Variants in SMPD4 observed in about 807,000 individuals in gnomAD.
The protein encoded by SMPD4 is neutral sphingomyelinase 3.
In SMPD4, 58 loss-of-function variants were observed where a neutral mutation model predicts 97.8. That is an observed-to-expected ratio of 0.59 (90% CI 0.48 to 0.74). SMPD4 has a LOEUF of 0.74. Ranked by LOEUF, SMPD4 falls within the 30% of genes least tolerant of loss-of-function variation. The pLI, the probability that SMPD4 is intolerant of heterozygous loss-of-function variation, is 0.00. For missense variants in SMPD4, 853 were observed against 1,080.5 expected, an observed-to-expected ratio of 0.79 and a Z score of 2.95; for synonymous variants, 388 against 450.0, an observed-to-expected ratio of 0.86 and a Z score of 1.74.
At chr2:130,180,945 A>G (rs1187009302) in intron 1 of SMPD4, among the ~76,000 whole-genome samples, 1 of 152,076 alleles carries the variant, frequency 6.6e-6, no homozygotes, top group African/African-American at 2.4e-5. Flanking sequence ...CGACTCTCCA[A>G]CACCTATTTT....
chr2:130,181,669 C>G (rs2104948746), upstream of SMPD4: 3 of 1,550,366 alleles, frequency 1.9e-6, no homozygotes, highest in East Asian at 7.3e-5. Context: ...TGGGCCGTTA[C>G]CTCAAAAGGC....
chr2:130,153,619 G>A, intron 17 of SMPD4, 83 bp downstream of exon 17: 2 of 1,550,720 alleles, frequency 1.3e-6, no homozygotes, highest in South Asian at 2.4e-5. Flanking sequence ...GGGACTGGTA[G>A]GTGGCTGACC....
intron 11 of SMPD4, chr2:130,158,319 C>T: frequency 1.1e-6 from 1 of 920,120 alleles, no homozygotes; most frequent in South Asian, 1.8e-5. Context: ...TTAGGCCAAA[C>T]TTTTTTTTTT....
At chr2:130,178,015 CAG>C (rs1689137159) in intron 1 of SMPD4, among the ~76,000 whole-genome samples, 1 of 152,186 alleles carries the variant, frequency 6.6e-6, no homozygotes, top group Non-Finnish European at 1.5e-5. Flanking sequence ...CCCCAGCTGA[CAG>C]CCAGCAAGGA....
chr2:130,151,442 T>C lies in SMPD4; in HGVS notation c.*1113A>G, dbSNP rs1447145586. ...AGGACATGTTTATTCAGATCCATGG[T>C]CGTTACAAGCTTCATTTTTGGTCAC... On this transcript the variant is annotated 3_prime_UTR_variant, in exon 20 of 20. Transcript: ENST00000680298. 6.6e-6 allele frequency: 1 copy of C among 151,626 alleles called. No individual in the cohort carries two copies. Among genetic ancestry groups the C allele is most frequent in the Non-Finnish European group, 1.5e-5 (1 of 67,950 alleles). 9.4% of individuals were successfully genotyped at this position (151,626 alleles called of 1,614,324 possible). A position where few individuals can be genotyped will look rare whatever the true frequency, so the allele number is the denominator to read the frequency against.
At chr2:130,155,762 A>G (rs1184567523) in intron 14 of SMPD4, among the ~76,000 whole-genome samples, 2 of 152,206 alleles carry the variant, frequency 1.3e-5, no homozygotes, top group East Asian at 1.9e-4. Context: ...GGGGGTGGCT[A>G]AACACTCATC....
Position 130,156,121 on chromosome 2 carries a change from C to T in SMPD4, c.1203G>A (p.Trp401Ter). The change falls in exon 14 of 20, where the codon TGG becomes TGA. Residue 401 changes from tryptophan to a stop codon, truncating the protein, a stop_gained. Transcript: ENST00000680298. LOFTEE classifies it high-confidence loss of function. Reference sequence around the variant, plus strand: ...ACCGCCACGGCTGCAGGTAGCTCAGCCACATCTCCAGGACCTGTGGGGGAG... The same window carrying T: ...ACCGCCACGGCTGCAGGTAGCTCAGTCACATCTCCAGGACCTGTGGGGGAG... ...DASFRAVLEMWLSYLQPWRYA... is the reference protein window; with the variant it reads ...DASFRAVLEM The T allele has an allele frequency of 6.2e-7, 1 of 1,610,994 alleles. No homozygotes were observed. The highest frequency in any genetic ancestry group is 1.1e-5 in the South Asian group (1 of 90,998).
chr2:130,174,981 G>C lies in SMPD4; in HGVS notation c.59C>G (p.Ser20Cys). The C allele has an allele frequency of 6.2e-7, 1 of 1,607,710 alleles. No individual in the cohort carries two copies. Among genetic ancestry groups the C allele is most frequent in the Non-Finnish European group, 8.5e-7 (1 of 1,174,508 alleles). ...CTGCTGTGCAAAGGGCTTATTTATA[G>C]AGTCAGCTTTCAGGCTAGCCTAGAA... ...SFLLASLKAD[S>C]INKPFAQQCQ... Residue 20 changes from serine to cysteine, a missense_variant, in exon 3 of 20, where the codon TCT becomes TGT. This residue lies in a region of SMPD4 where 313 missense variants were observed against 402.2 expected (regional missense o/e 0.78). Transcript: ENST00000680298.
intron 9 of SMPD4, among the ~76,000 whole-genome samples, chr2:130,165,634 G>A (rs1687859527): frequency 6.6e-6 from 1 of 152,210 alleles, no homozygotes; most frequent in South Asian, 2.1e-4. Flanking sequence ...TATGTGCTAC[G>A]CATACTCTGG....
At position 130,153,184 on chromosome 2, in the gene SMPD4, G is replaced by A; in HGVS notation, c.2026-13C>T. On this transcript the variant is annotated splice_polypyrimidine_tract_variant and intron_variant, in intron 18 of 19. Coordinates refer to ENST00000680298, the MANE Select transcript of SMPD4 (RefSeq NM_017951.5). ...GCCCATTGATGATCTAGAAAGCCAG[G>A]CCATGGGGATGGGTCAGAAAACACA... is the stretch of plus-strand genomic sequence containing the variant. The A allele has an allele frequency of 6.2e-7, 1 of 1,613,732 alleles. No individual in the cohort carries two copies. The highest frequency in any genetic ancestry group is 8.5e-7 in the Non-Finnish European group (1 of 1,179,992).
Position 130,153,949 on chromosome 2 carries a change from GC to G in SMPD4, c.1660-15del. 1 of 1,609,310 alleles carries G rather than the reference GC, an allele frequency of 6.2e-7. No homozygotes were observed. Among genetic ancestry groups the G allele is most frequent in the Non-Finnish European group, 8.5e-7 (1 of 1,177,924 alleles). On this transcript the variant is annotated splice_polypyrimidine_tract_variant and intron_variant, in intron 16 of 19. Transcript: ENST00000680298. ...GAGGCGCAGGACCTGCAAGGGAGGC[GC>G]GGGCAGGTCACCAGCAGGACAGGCC...
At chr2:130,178,003 G>A (rs1347050974) in intron 1 of SMPD4, among the ~76,000 whole-genome samples, 1 of 152,152 alleles carries the variant, frequency 6.6e-6, no homozygotes, top group African/African-American at 2.4e-5. Flanking sequence ...TTACAGAGTA[G>A]TCCCCAGCTG....
At chr2:130,168,080 C>G (rs1338463713) in intron 8 of SMPD4, among the ~76,000 whole-genome samples, 1 of 152,156 alleles carries the variant, frequency 6.6e-6, no homozygotes, top group African/African-American at 2.4e-5. Context: ...GTGGCATGTG[C>G]CTGTAGTCCT....
At chr2:130,161,296 C>T (rs527903800) in intron 10 of SMPD4, 24 bp from the exon 11 acceptor site, 15 of 1,606,152 alleles carry the variant, frequency 9.3e-6, no homozygotes, top group South Asian at 6.6e-5. Context: ...CAGAGAGATG[C>T]CGGAAGAGGC....
rs549752830 is a variant in SMPD4 at position 130,152,571 on chromosome 2, T to C, written c.2468A>G (p.Lys823Arg). 1.3e-5 allele frequency: 20 copies of C among 1,547,448 alleles called. No individual in the cohort carries two copies. In the South Asian group the frequency reaches 2.0e-4, roughly 16 times the overall value. ...CTGACACCTTCAGGGCTGGTGCAGC[T>C]TCCCCCGCTCGGTCAGCAGTGTCAT... ...SAMTLLTERG[K>R]LHQP Residue 823 changes from lysine (K) to arginine (R), a missense_variant, in exon 20 of 20, where the codon AAG (lysine) becomes AGG (arginine). Lys to Arg is a conservative substitution (Grantham distance 26, BLOSUM62 2). Around this residue, in one of 3 missense-constraint regions of SMPD4, gnomAD observed 511 missense variants for 608.1 expected, o/e 0.84. Transcript: ENST00000680298.
rs749715699 is a variant in SMPD4, at chr2:130,154,301, C to T, written c.1635G>A (p.Met545Ile). Residue 545 changes from methionine (M) to isoleucine (I), a missense_variant, in exon 16 of 20, where the codon ATG becomes ATA. Transcript: ENST00000680298. ...CCAGGGTGCGGGCCTCGGGCCCAAA[C>T]ATCGGGGTGTACTTGCAGTCCTGGC... The part of the protein sequence containing the change: ...LEGQDCKYTP[M>I]FGPEARTLVL... The T allele has an allele frequency of 3.1e-6, 5 of 1,609,130 alleles. No individual in the cohort carries two copies. Among genetic ancestry groups the T allele is most frequent in the Non-Finnish European group, 4.2e-6 (5 of 1,177,688 alleles).
At chr2:130,167,632 C>T in intron 8 of SMPD4, 42 bp from the exon 9 acceptor site, 1 of 1,554,240 alleles carries the variant, frequency 6.4e-7, no homozygotes, top group Non-Finnish European at 8.7e-7. Flanking sequence ...CAGGCTCCCG[C>T]TGTAACTCGC....
intron 9 of SMPD4, among the ~76,000 whole-genome samples, chr2:130,165,637 T>C (rs1403764637): frequency 1.3e-5 from 2 of 152,226 alleles, no homozygotes; most frequent in Non-Finnish European, 2.9e-5. Flanking sequence ...GTGCTACGCA[T>C]ACTCTGGGTA....
At chr2:130,167,689 G>A in intron 8 of SMPD4, 99 bp from the exon 9 acceptor site, 1 of 1,361,222 alleles carries the variant, frequency 7.3e-7, no homozygotes, top group East Asian at 2.4e-5. Context: ...AACGAGAGCA[G>A]GGACAGATTA....
Sources: allele counts gnomAD v4.1 joint callset (sites outside exome capture counted in the v4.1 genomes callset), GRCh38; gene constraint gnomAD v4.1.1; regional missense constraint gnomAD v4.1.1; transcripts MANE v1.5; gene names NCBI Gene and HGNC (gene_info 2026-07-23, HGNC 2026-07-21).